Variants in SPON1 observed in about 807,000 individuals in gnomAD.
SPON1 encodes spondin-1.
Under a neutral mutation model 111.7 loss-of-function variants are expected in SPON1, and 52 were observed. That is an observed-to-expected ratio of 0.47 (90% CI 0.37 to 0.59). The LOEUF is 0.59. Among genes scored for constraint, SPON1 ranks in the 20% least tolerant of loss-of-function variants. The probability of loss-of-function intolerance (pLI) is 0.00; values close to 1 mark genes in which losing one functional copy is unlikely to be tolerated. For missense variants in SPON1, 957 were observed against 1,068.5 expected (o/e 0.90, Z 1.46); for synonymous variants, 410 against 395.8 (o/e 1.04, Z -0.43).
At chr11:14,262,317 A>AG (rs1284002028) in intron 14 of SPON1, 1 of 242,998 alleles carries the variant, frequency 4.1e-6, no homozygotes, top group Non-Finnish European at 8.2e-6. Context: ...AAAGAGCAGC[A>AG]GGGGGCTTGC....
At chr11:14,231,134 C>CTTTTTTTT (rs532103835) in intron 6 of SPON1, among the ~76,000 whole-genome samples, 1 of 138,596 alleles carries the variant, frequency 7.2e-6, no homozygotes. Flanking sequence ...TCTTTTTTTT[C>CTTTTTTTT]TTTTTTTTTT....
intron 2 of SPON1, among the ~76,000 whole-genome samples, chr11:14,008,061 G>T (rs1291544466): frequency 6.6e-6 from 1 of 152,170 alleles, no homozygotes; most frequent in Non-Finnish European, 1.5e-5. Context: ...AAGTGAACAT[G>T]CAGTAGTCCC....
chr11:14,167,197 C>T (rs1303970112), intron 6 of SPON1, among the ~76,000 whole-genome samples: 1 of 151,922 alleles, frequency 6.6e-6, no homozygotes, highest in Non-Finnish European at 1.5e-5. Flanking sequence ...ATTTTTGTAC[C>T]AAATAAGCCA....
chr11:14,044,401 A>C (rs577973048), intron 3 of SPON1, among the ~76,000 whole-genome samples: 16 of 152,176 alleles, frequency 1.1e-4, no homozygotes, highest in Admixed American at 3.3e-4. Context: ...CACTTGAGGT[A>C]AGGAGTTCAA....
intron 6 of SPON1, among the ~76,000 whole-genome samples, chr11:14,237,061 A>G (rs1645453558): frequency 2.6e-5 from 4 of 152,186 alleles, no homozygotes; most frequent in Admixed American, 2.6e-4. Flanking sequence ...GGCTGTTGAA[A>G]TGAGGGGAGG....
chr11:14,138,884 T>A (rs1847621038), intron 6 of SPON1, among the ~76,000 whole-genome samples: 1 of 152,086 alleles, frequency 6.6e-6, no homozygotes, highest in Non-Finnish European at 1.5e-5. Context: ...TCTTTTAAAT[T>A]CATCCAGTTC....
At chr11:14,132,713 C>T (rs1847541974) in intron 5 of SPON1, among the ~76,000 whole-genome samples, 1 of 152,136 alleles carries the variant, frequency 6.6e-6, no homozygotes, top group South Asian at 2.1e-4. Context: ...TCCCCTAATC[C>T]CCTAGGATTG....
At chr11:14,196,344 C>T (rs542401341) in intron 6 of SPON1, among the ~76,000 whole-genome samples, 3 of 152,126 alleles carry the variant, frequency 2.0e-5, no homozygotes, top group East Asian at 1.9e-4. Flanking sequence ...TGACAACTAA[C>T]GAGTATGGAT....
At chr11:14,031,650 A>G (rs1848559900) in intron 2 of SPON1, among the ~76,000 whole-genome samples, 1 of 62,706 alleles carries the variant, frequency 1.6e-5, no homozygotes, top group Non-Finnish European at 3.0e-5. Context: ...AATTATTCAA[A>G]CAGTGGAGGA....
chr11:14,052,057 C>T (rs1184943331), intron 3 of SPON1, among the ~76,000 whole-genome samples: 2 of 152,196 alleles, frequency 1.3e-5, no homozygotes, highest in Admixed American at 1.3e-4. Context: ...ACAGCTCCTG[C>T]CCACCTTCTG....
At chr11:14,137,352 G>A (rs782240741) in intron 6 of SPON1, among the ~76,000 whole-genome samples, 2 of 152,170 alleles carry the variant, frequency 1.3e-5, no homozygotes, top group Non-Finnish European at 2.9e-5. Flanking sequence ...TTACCACACA[G>A]GCAATGTCTG....
chr11:14,234,973 C>T (rs1387597000), intron 6 of SPON1, among the ~76,000 whole-genome samples: 1 of 152,206 alleles, frequency 6.6e-6, no homozygotes, highest in Non-Finnish European at 1.5e-5. Context: ...ATAGAATGAG[C>T]ACTTATGAAC....
chr11:14,227,601 T>C (rs1848754242), intron 6 of SPON1, among the ~76,000 whole-genome samples: 1 of 152,226 alleles, frequency 6.6e-6, no homozygotes, highest in Non-Finnish European at 1.5e-5. Flanking sequence ...TCTTTATTGT[T>C]CGGCCTCTCC....
chr11:14,200,507 T>C (rs1554935498), intron 6 of SPON1, among the ~76,000 whole-genome samples: 1 of 152,174 alleles, frequency 6.6e-6, no homozygotes, highest in African/African-American at 2.4e-5. Flanking sequence ...TTAAAAGATC[T>C]TTTGGCTGGT....
chr11:14,242,021 GT>G, intron 6 of SPON1, among the ~76,000 whole-genome samples: 1 of 152,200 alleles, frequency 6.6e-6, no homozygotes, highest in East Asian at 1.9e-4. Flanking sequence ...ACCCAGGACT[GT>G]CTGTAGGAGC....
At chr11:14,084,008 T>G (rs1327068255) in intron 5 of SPON1, among the ~76,000 whole-genome samples, 1 of 152,192 alleles carries the variant, frequency 6.6e-6, no homozygotes, top group Non-Finnish European at 1.5e-5. Flanking sequence ...ATCACAGTAC[T>G]TCAGTATATA....
At chr11:14,021,368 CCAA>C (rs1420286670) in intron 2 of SPON1, among the ~76,000 whole-genome samples, 8 of 152,068 alleles carry the variant, frequency 5.3e-5, no homozygotes, top group African/African-American at 1.9e-4. Context: ...TAGTTCTGCA[CCAA>C]CAAGTCCCCG....
intron 5 of SPON1, among the ~76,000 whole-genome samples, chr11:14,093,856 G>T (rs552839329): frequency 6.6e-6 from 1 of 152,092 alleles, no homozygotes; most frequent in Non-Finnish European, 1.5e-5. Context: ...CTTATCTATT[G>T]TTTTATTGAT....
rs782403509 is a variant in SPON1, at chr11:14,259,277, C to T, written c.1493-3C>T. The T allele has an allele frequency of 1.2e-6, 2 of 1,608,922 alleles. No homozygotes were observed. The highest frequency in any genetic ancestry group is 1.1e-5 in the South Asian group (1 of 89,714). On this transcript the variant is annotated splice_polypyrimidine_tract_variant and splice_region_variant and intron_variant, in intron 11 of 15. Coordinates refer to ENST00000576479, the MANE Select transcript of SPON1 (RefSeq NM_006108.4). This position sits in a 1 kb window ranked among gnomAD's most constrained non-coding sequence, Gnocchi z 5.0. ...GCTGCAGCGTTCACTCGGTGTGTTGCAGACGGCTCCACCTGCACCATGTCC... is the reference window on the plus strand; with the variant it reads ...GCTGCAGCGTTCACTCGGTGTGTTGTAGACGGCTCCACCTGCACCATGTCC...
Sources: gnomAD v4.1 joint callset for allele counts (sites outside exome capture counted in the v4.1 genomes callset) on GRCh38, gnomAD v4.1.1 for gene constraint, Gnocchi (gnomAD v3.1) non-coding constraint, MANE v1.5 for transcripts, NCBI Gene and HGNC (gene_info 2026-07-23, HGNC 2026-07-21) for gene names.